The following PDLIM2 variants were observed in gnomAD, a reference collection of about 807,000 sequenced individuals.
PDLIM2 encodes the protein PDZ and LIM domain protein 2.
In PDLIM2, 51 loss-of-function variants were observed where a neutral mutation model predicts 54.1. That is an observed-to-expected ratio of 0.94 (90% CI 0.75 to 1.19). The LOEUF (loss-of-function observed/expected upper bound fraction) is 1.19. PDLIM2 is among the 50% of genes most tolerant of loss of function. The pLI, the probability that PDLIM2 is intolerant of heterozygous loss-of-function variation, is 0.00. For missense variants in PDLIM2, 912 were observed against 874.0 expected (o/e 1.04, Z -0.55); for synonymous variants, 398 against 385.6 (o/e 1.03, Z -0.38).
rs753951550 is a variant in PDLIM2, at chr8:22,593,880, C to T, written c.1779C>T (p.Ser593=). The change falls in exon 10 of 10, where the codon TCC becomes TCT. Residue 593 remains serine, a synonymous_variant. Coordinates refer to ENST00000308354, the Ensembl canonical transcript of PDLIM2. ...AGAAGCATGCCCGCCAGCGCTACTC[C>T]GCACCTGCCACCCTCAGCTCTCGGG... The T allele has an allele frequency of 3.7e-5, 58 of 1,550,832 alleles. 1 individual carries two copies. The highest frequency in any genetic ancestry group is 1.7e-4 in the Middle Eastern group (1 of 6,014).
At chr8:22,592,749 T>G (rs1800587516) in intron 9 of PDLIM2, 1 of 152,272 alleles carries the variant, frequency 6.6e-6, no homozygotes. Flanking sequence ...TTCTCACGAA[T>G]TCCCCAGTGA....
chr8:22,594,387 T>C (rs1563880131), downstream of PDLIM2: 4 of 1,534,782 alleles, frequency 2.6e-6, no homozygotes, highest in Non-Finnish European at 3.5e-6. Flanking sequence ...TTATGCAACA[T>C]ACGTTTCTTC....
chr8:22,585,395 G>A lies in PDLIM2; in HGVS notation c.1286G>A (p.Arg429Gln), dbSNP rs11989168. ...TCCTACTCAGGCCGCCCTGGAAGCC[G>A]ACAGGTGAGGCTCCCTGGGGGAGGA... is the stretch of plus-strand genomic sequence containing the variant. The change falls in exon 6 of 10, where the codon CGA becomes CAA. Residue 429 changes from arginine (R) to glutamine (Q), a missense_variant. Arg to Gln is a conservative substitution (Grantham distance 43). Coordinates refer to ENST00000308354, the Ensembl canonical transcript of PDLIM2. The A allele has an allele frequency of 1.6e-3, 2,633 of 1,608,066 alleles. 16 individuals carry two copies. Among genetic ancestry groups the A allele is most frequent in the African/African-American group, 0.015 (1,151 of 74,918 alleles).
At chr8:22,594,828 C>A, downstream of PDLIM2, 1 of 930,068 alleles carries the variant, frequency 1.1e-6, no homozygotes, top group Non-Finnish European at 1.5e-6. Flanking sequence ...ACTGGGGAGG[C>A]CTGAGGAGCC....
intron 1 of PDLIM2, 122 bp from the exon 1 acceptor site, chr8:22,580,353 G>A (rs999875429): frequency 1.1e-6 from 1 of 882,252 alleles, no homozygotes; most frequent in African/African-American, 1.7e-5. Flanking sequence ...CCCCTCCTGG[G>A]AGTCGCTCCC....
At chr8:22,594,367 G>C, downstream of PDLIM2, 1 of 1,494,538 alleles carries the variant, frequency 6.7e-7, no homozygotes, top group Non-Finnish European at 8.9e-7. Context: ...ACTGGGTGGA[G>C]GGTCTTTATT....
intron 9 of PDLIM2, 101 bp downstream of exon 8, chr8:22,591,769 T>C: frequency 9.2e-7 from 1 of 1,083,564 alleles, no homozygotes; most frequent in South Asian, 1.6e-5. Flanking sequence ...CATCAGGGGC[T>C]AGCACTGGGT....
chr8:22,583,197 G>A (rs1800261040), intron 3 of PDLIM2, among the ~76,000 whole-genome samples: 1 of 152,150 alleles, frequency 6.6e-6, no homozygotes, highest in African/African-American at 2.4e-5. Context: ...CTTTGGAAGA[G>A]GGTACCCAGG....
At chr8:22,594,374 T>C, downstream of PDLIM2, 1 of 1,512,112 alleles carries the variant, frequency 6.6e-7, no homozygotes, top group South Asian at 1.3e-5. Flanking sequence ...GGAGGGTCTT[T>C]ATTTATGCAA....
intron 1 of PDLIM2, chr8:22,580,543 A>T (rs1337536056): frequency 6.2e-7 from 1 of 1,611,698 alleles, no homozygotes; most frequent in East Asian, 2.2e-5. Context: ...CTGCTGCCTT[A>T]CAGTGCCCCC....
exon 5 of PDLIM2, chr8:22,585,048 C>T (rs772108407): frequency 2.5e-6 from 4 of 1,614,032 alleles, no homozygotes; most frequent in Non-Finnish European, 3.4e-6. Context: ...GAGAGTCAGT[C>T]CTCCTTAAGG....
At chr8:22,581,270 G>A (rs1441524534) in intron 2 of PDLIM2, 109 bp from the exon 2 acceptor site, 36 of 1,398,190 alleles carry the variant, frequency 2.6e-5, no homozygotes, top group Non-Finnish European at 3.1e-5. Context: ...GCAGGAGGGT[G>A]CAGGCCGGCC....
At chr8:22,585,907 C>T (rs1800368209) in intron 6 of PDLIM2, among the ~76,000 whole-genome samples, 1 of 151,584 alleles carries the variant, frequency 6.6e-6, no homozygotes, top group Non-Finnish European at 1.5e-5. Context: ...ATTCTGTCTC[C>T]TCCTCCCCCT....
At chr8:22,589,791 C>T (rs1266585287) in intron 8 of PDLIM2, 50 bp downstream of exon 7, 44 of 1,547,594 alleles carry the variant, frequency 2.8e-5, no homozygotes, top group East Asian at 4.9e-5. Flanking sequence ...TTCCGTACCC[C>T]GGGCCCTGAC....
downstream of PDLIM2, chr8:22,594,737 C>G: frequency 1.3e-6 from 2 of 1,502,678 alleles, no homozygotes; most frequent in Non-Finnish European, 1.8e-6. Flanking sequence ...CACTTCTTTC[C>G]TGGGAGAGAC....
exon 10 of PDLIM2, chr8:22,593,887 G>T (rs1800623783): frequency 6.5e-7 from 1 of 1,548,602 alleles, no homozygotes; most frequent in Non-Finnish European, 8.7e-7. Context: ...CTCCGCACCT[G>T]CCACCCTCAG....
chr8:22,591,391 A>G lies in PDLIM2; in HGVS notation c.1514-160A>G, dbSNP rs369010823. 115 of 686,698 alleles carry G rather than the reference A, an allele frequency of 1.7e-4. 1 individual carries two copies. In the African/African-American group the frequency reaches 1.8e-3, roughly 11 times the overall value. 42.5% of individuals were successfully genotyped at this position (686,698 alleles called of 1,614,324 possible). ...TGCCCTTGCCCAGCCTCAGCCATGG[A>G]TCTGGCAAGATCACCTTCCTCCTTA... On this transcript the variant is annotated intron_variant, in intron 8 of 9. Coordinates refer to ENST00000308354, the Ensembl canonical transcript of PDLIM2.
chr8:22,584,051 G>T (rs759407059), intron 3 of PDLIM2, among the ~76,000 whole-genome samples: 83 of 151,976 alleles, frequency 5.5e-4, no homozygotes, highest in Non-Finnish European at 1.0e-3. Context: ...GCCCAGCCTG[G>T]AGTGCAGTGG....
intron 9 of PDLIM2, chr8:22,592,002 C>A: frequency 4.9e-6 from 1 of 202,800 alleles, no homozygotes. Flanking sequence ...CCTTCTTCCC[C>A]CTTTGGAGCA....
Sources: allele counts gnomAD v4.1 joint callset (sites outside exome capture counted in the v4.1 genomes callset), GRCh38; gene constraint gnomAD v4.1.1; transcripts MANE v1.5; gene names NCBI Gene and HGNC (gene_info 2026-07-23, HGNC 2026-07-21).